Variants in SOCS7 observed in about 807,000 individuals in gnomAD.
The protein encoded by SOCS7 is suppressor of cytokine signaling 7, also known as NAP-4.
A neutral mutation model predicts 58.9 loss-of-function variants in SOCS7; 18 were observed. The ratio of observed to expected loss-of-function variants is 0.31; its 90% CI spans 0.21 to 0.45. The LOEUF is 0.45. Among genes scored for constraint, SOCS7 ranks in the 20% least tolerant of loss-of-function variants. SOCS7 has a pLI of 1.00. For synonymous variants in SOCS7, 388 were observed against 364.3 expected (o/e 1.06, Z -0.74); for missense variants, 667 against 837.3 (o/e 0.80, Z 2.51).
chr17:38,352,984 G>T lies in SOCS7; in HGVS notation c.932G>T (p.Ser311Ile), dbSNP rs752217886. 2 of 1,606,166 alleles carry T rather than the reference G, an allele frequency of 1.2e-6. No individual in the cohort carries two copies. The highest frequency in any genetic ancestry group is 1.7e-6 in the Non-Finnish European group (2 of 1,178,078). Reference protein sequence around the residue: ...PSGELAASAASLTDMGGSAGR... With the variant: ...PSGELAASAAILTDMGGSAGR... ...GGAGAGCTGGCTGCTTCAGCTGCGA[G>T]CCTGACAGACATGGGAGGCTCTGCG... is the stretch of plus-strand genomic sequence containing the variant. The change falls in exon 1 of 10, where the codon AGC becomes ATC. Residue 311 changes from serine (S) to isoleucine (I), a missense_variant. Physicochemically the swap from Ser to Ile is moderately radical, Grantham distance 142. This residue lies in a region of SOCS7 where 208 missense variants were observed against 190.3 expected (regional missense o/e 1.09). Coordinates refer to ENST00000612932, the MANE Select transcript of SOCS7 (RefSeq NM_014598.4). This position sits in a 1 kb window ranked among gnomAD's most constrained non-coding sequence, Gnocchi z 5.5.
chr17:38,387,450 A>T (rs2038088510), intron 7 of SOCS7, among the ~76,000 whole-genome samples: 2 of 145,258 alleles, frequency 1.4e-5, no homozygotes, highest in Non-Finnish European at 3.0e-5. Flanking sequence ...GTCTCAAAAA[A>T]ATATATACAT....
At chr17:38,366,090 C>T in intron 4 of SOCS7, 197 bp from the exon 5 acceptor site, 1 of 1,234,370 alleles carries the variant, frequency 8.1e-7, no homozygotes. Flanking sequence ...ACCCATCCTT[C>T]ACAGCTTACA....
At chr17:38,391,483 T>C (rs1318066322) in intron 7 of SOCS7, among the ~76,000 whole-genome samples, 1 of 152,194 alleles carries the variant, frequency 6.6e-6, no homozygotes, top group African/African-American at 2.4e-5. Flanking sequence ...CTCAGCCTTC[T>C]GGGCTTAAGC....
chr17:38,362,375 T>C (rs944470194), intron 2 of SOCS7, among the ~76,000 whole-genome samples: 3 of 152,236 alleles, frequency 2.0e-5, no homozygotes, highest in African/African-American at 7.2e-5. Context: ...GGTAACTGCC[T>C]TCTCGTTTCG....
rs1045638 is a variant in SOCS7 at position 38,401,285 on chromosome 17, T to C, written c.*1803T>C. The C allele has an allele frequency of 0.27, 41,732 of 151,966 alleles. 8,200 individuals carry two copies. Among genetic ancestry groups the C allele is most frequent in the African/African-American group, 0.56 (23,215 of 41,394 alleles). 9.4% of individuals were successfully genotyped at this position (151,966 alleles called of 1,614,324 possible). The stretch of plus-strand genomic sequence containing the variant: ...TTCCTTGGCTTCCATGGTAGTATTA[T>C]CAACTAAGCAAGATTGTGATCCCAG... On this transcript the variant is annotated 3_prime_UTR_variant, in exon 10 of 10. Coordinates refer to ENST00000612932, the MANE Select transcript of SOCS7 (RefSeq NM_014598.4).
At chr17:38,374,879 C>G (rs1373748811) in intron 6 of SOCS7, among the ~76,000 whole-genome samples, 1 of 152,230 alleles carries the variant, frequency 6.6e-6, no homozygotes, top group East Asian at 1.9e-4. Context: ...TTATTTTAGA[C>G]TTGGACCCTT....
chr17:38,391,914 C>T (rs2038177232), intron 7 of SOCS7, among the ~76,000 whole-genome samples: 1 of 152,100 alleles, frequency 6.6e-6, no homozygotes, highest in South Asian at 2.1e-4. Flanking sequence ...GTGTTTATAC[C>T]TGGAAGAGAT....
At chr17:38,382,727 T>G (rs538147331) in intron 7 of SOCS7, among the ~76,000 whole-genome samples, 7 of 152,118 alleles carry the variant, frequency 4.6e-5, no homozygotes, top group Non-Finnish European at 8.8e-5. Flanking sequence ...GACCTCATGG[T>G]CCACCTGCCT....
At chr17:38,376,524 G>A (rs181639157) in intron 6 of SOCS7, among the ~76,000 whole-genome samples, 1 of 152,224 alleles carries the variant, frequency 6.6e-6, no homozygotes, top group East Asian at 1.9e-4. Context: ...TTGAGGTCAG[G>A]AGTTCGAGGC....
intron 7 of SOCS7, among the ~76,000 whole-genome samples, chr17:38,385,257 T>C (rs776519771): frequency 3.3e-5 from 5 of 151,924 alleles, no homozygotes; most frequent in Non-Finnish European, 7.4e-5. Flanking sequence ...TTTCTTGCAA[T>C]TTATATATTT....
In SOCS7 at chr17:38,352,005, C is replaced by A. The variant is rs1275172504; in HGVS notation, c.-48C>A. ...GGCTCCGGCGGGGCCCGGCCTAGTCCCCACCCCAGCCCGGCTCCCAGCCGC... is the reference window on the plus strand; with the variant it reads ...GGCTCCGGCGGGGCCCGGCCTAGTCACCACCCCAGCCCGGCTCCCAGCCGC... On this transcript the variant is annotated 5_prime_UTR_variant, in exon 1 of 10. Transcript: ENST00000612932. This position sits in a 1 kb window ranked among gnomAD's most constrained non-coding sequence, Gnocchi z 5.5. Among the ~76,000 whole-genome samples, 4 of 150,970 alleles carry A rather than the reference C, an allele frequency of 2.6e-5. No homozygotes were observed. The highest frequency in any genetic ancestry group is 4.4e-5 in the Non-Finnish European group (3 of 67,564).
chr17:38,375,262 C>T (rs530559321), intron 6 of SOCS7, among the ~76,000 whole-genome samples: 1 of 152,136 alleles, frequency 6.6e-6, no homozygotes, highest in Non-Finnish European at 1.5e-5. Context: ...CCACATGTGC[C>T]TTCCTCTCCT....
At chr17:38,384,692 A>G (rs1328637993) in intron 7 of SOCS7, among the ~76,000 whole-genome samples, 1 of 151,930 alleles carries the variant, frequency 6.6e-6, no homozygotes, top group Non-Finnish European at 1.5e-5. Flanking sequence ...TCCCGGGTTC[A>G]AGTGATTCTC....
At chr17:38,378,751 G>A (rs1220658099) in intron 7 of SOCS7, among the ~76,000 whole-genome samples, 2 of 152,178 alleles carry the variant, frequency 1.3e-5, no homozygotes, top group African/African-American at 4.8e-5. Context: ...AAGTTAGGGA[G>A]GTGTCTGTAT....
intron 5 of SOCS7, among the ~76,000 whole-genome samples, chr17:38,367,054 G>T (rs917767022): frequency 2.1e-4 from 29 of 140,526 alleles, no homozygotes; most frequent in African/African-American, 3.3e-4. Context: ...TTTGTTTTTT[G>T]TTGTTGTTGT....
intron 7 of SOCS7, among the ~76,000 whole-genome samples, chr17:38,387,131 A>G (rs143246793): frequency 0.011 from 973 of 86,194 alleles, 9 homozygotes; most frequent in African/African-American, 0.027. Flanking sequence ...ATATATATGT[A>G]TGTATATATA....
chr17:38,398,718 G>A (rs2038277049), intron 9 of SOCS7, among the ~76,000 whole-genome samples: 1 of 152,180 alleles, frequency 6.6e-6, no homozygotes. Flanking sequence ...AACAGTGCCT[G>A]TCTCAAGTCG....
intron 7 of SOCS7, among the ~76,000 whole-genome samples, chr17:38,386,849 G>T (rs2144380070): frequency 6.6e-6 from 1 of 151,652 alleles, no homozygotes; most frequent in African/African-American, 2.4e-5. Flanking sequence ...ACTTTGGGAG[G>T]CTGAGGTGGG....
intron 7 of SOCS7, among the ~76,000 whole-genome samples, chr17:38,389,897 A>ATG (rs1555571091): frequency 0.029 from 2,246 of 76,244 alleles, 161 homozygotes; most frequent in African/African-American, 0.11. Flanking sequence ...ATATATATAT[A>ATG]TACACATATA....
Sources: allele counts gnomAD v4.1 joint callset (sites outside exome capture counted in the v4.1 genomes callset), GRCh38; gene constraint gnomAD v4.1.1; regional missense constraint gnomAD v4.1.1; non-coding constraint Gnocchi (gnomAD v3.1); transcripts MANE v1.5; gene names NCBI Gene and HGNC (gene_info 2026-07-23, HGNC 2026-07-21).